RSPH14: variants seen among roughly 807,000 people sequenced by gnomAD.
RSPH14 encodes the protein radial spoke head 14 homolog, also known as rhabdoid tumor deletion region gene 1.
A neutral mutation model predicts 26.7 loss-of-function variants in RSPH14; 20 were observed. The ratio of observed to expected loss-of-function variants is 0.75; its 90% CI spans 0.53 to 1.09. The LOEUF (loss-of-function observed/expected upper bound fraction) is 1.09. Ranked by LOEUF, RSPH14 falls within the 50% of genes least tolerant of loss-of-function variation. The pLI is 0.00. For missense variants in RSPH14, 449 were observed against 457.2 expected (o/e 0.98, Z 0.16); for synonymous variants, 177 against 189.3 (o/e 0.93, Z 0.53).
the RSPH14 span, chr22:23,158,040 C>A: frequency 6.2e-7 from 1 of 1,614,138 alleles, no homozygotes; most frequent in Admixed American, 1.7e-5. Flanking sequence ...CTGGAGCATA[C>A]CAGGTAAGTC....
At chr22:23,145,353 G>T (rs1380131051), upstream of RSPH14, 1 of 1,601,316 alleles carries the variant, frequency 6.2e-7, no homozygotes, top group Non-Finnish European at 8.5e-7. Context: ...ACTCCAGGCA[G>T]GTTCTCGTTG....
At chr22:23,107,800 T>TTA (rs1308638624) in intron 4 of RSPH14, among the ~76,000 whole-genome samples, 1 of 152,142 alleles carries the variant, frequency 6.6e-6, no homozygotes, top group Non-Finnish European at 1.5e-5. Context: ...TTCCTGATCG[T>TTA]TTTAAAGCCG....
upstream of RSPH14, chr22:23,146,523 A>G: frequency 6.5e-7 from 1 of 1,545,156 alleles, no homozygotes; most frequent in South Asian, 1.2e-5. Flanking sequence ...GGATCTGATG[A>G]AAAGTTAGGT....
chr22:23,176,242 G>A, the RSPH14 span, among the ~76,000 whole-genome samples: 1 of 152,234 alleles, frequency 6.6e-6, no homozygotes, highest in Non-Finnish European at 1.5e-5. Flanking sequence ...GCCTCCCTCT[G>A]TTGGGGAAAA....
intron 4 of RSPH14, among the ~76,000 whole-genome samples, chr22:23,119,913 G>A (rs372768199): frequency 1.3e-5 from 2 of 152,320 alleles, no homozygotes; most frequent in East Asian, 3.9e-4. Flanking sequence ...ATTAGTCAGT[G>A]TGGTTCCCAT....
rs549212747 is a variant in RSPH14, at chr22:23,111,078, G to T, written c.421+22948C>A. On this transcript the variant is annotated intron_variant, in intron 4 of 6. Transcript: ENST00000216036. ...GCAGGCGATCATCATTTGCTGGGGG[G>T]CCTGCGCGCCTTCCCTGTGAGCGTG... Among the ~76,000 whole-genome samples the T allele has an allele frequency of 2.6e-5, 4 of 152,314 alleles. No individual in the cohort carries two copies. The South Asian group carries it at 8.3e-4, about 32-fold the overall frequency.
chr22:23,138,098 C>A (rs1314583288), intron 3 of RSPH14, among the ~76,000 whole-genome samples: 1 of 152,146 alleles, frequency 6.6e-6, no homozygotes, highest in African/African-American at 2.4e-5. Flanking sequence ...AGTGAGGCCA[C>A]CAGACCAGAT....
chr22:23,179,405 CTG>C, the RSPH14 span, among the ~76,000 whole-genome samples: 3 of 152,168 alleles, frequency 2.0e-5, no homozygotes, highest in African/African-American at 7.2e-5. Flanking sequence ...GTGCTCTCCA[CTG>C]TGTCTCAGAT....
chr22:23,173,703 T>C, the RSPH14 span, among the ~76,000 whole-genome samples: 1 of 151,054 alleles, frequency 6.6e-6, no homozygotes, highest in Non-Finnish European at 1.5e-5. Flanking sequence ...TTCTCCGTTA[T>C]TATTTACTAT....
At chr22:23,069,402 G>A (rs2068284677) in intron 4 of RSPH14, among the ~76,000 whole-genome samples, 1 of 152,192 alleles carries the variant, frequency 6.6e-6, no homozygotes, top group Non-Finnish European at 1.5e-5. Context: ...TCATGTCTTG[G>A]CCCTCTGGCT....
chr22:23,174,674 T>TAA, the RSPH14 span, among the ~76,000 whole-genome samples: 33,021 of 143,222 alleles, frequency 0.23, 4,187 homozygotes, highest in East Asian at 0.34. Context: ...AATAAAGTTG[T>TAA]AAAAAAAAAA....
chr22:23,170,016 G>A, the RSPH14 span, among the ~76,000 whole-genome samples: 1 of 151,672 alleles, frequency 6.6e-6, no homozygotes, highest in African/African-American at 2.4e-5. Context: ...AGGATCGCTT[G>A]GGCCCAGAAG....
At chr22:23,168,649 G>A in the RSPH14 span, among the ~76,000 whole-genome samples, 1 of 152,294 alleles carries the variant, frequency 6.6e-6, no homozygotes, top group Non-Finnish European at 1.5e-5. Flanking sequence ...GAGCAGCCAG[G>A]ACGTATGACT....
At chr22:23,131,173 T>G (rs2070354048) in intron 4 of RSPH14, 1 of 158,614 alleles carries the variant, frequency 6.3e-6, no homozygotes, top group East Asian at 1.8e-4. Context: ...TGGCGCAACA[T>G]GGATTCATCT....
upstream of RSPH14, chr22:23,146,681 C>G: frequency 6.2e-7 from 1 of 1,613,854 alleles, no homozygotes; most frequent in Non-Finnish European, 8.5e-7. Context: ...GCCAGCTTCC[C>G]TAAGGTAGAG....
chr22:23,158,814 T>C, the RSPH14 span: 2 of 1,235,646 alleles, frequency 1.6e-6, no homozygotes, highest in Non-Finnish European at 2.4e-6. Context: ...ACTTCAGCCC[T>C]GGGGAGGTCC....
chr22:23,086,008 C>A (rs2068809276), intron 4 of RSPH14, among the ~76,000 whole-genome samples: 1 of 152,278 alleles, frequency 6.6e-6, no homozygotes, highest in African/African-American at 2.4e-5. Context: ...GGCCCCTCGG[C>A]AGGGTCCCGC....
chr22:23,178,863 G>A, the RSPH14 span, among the ~76,000 whole-genome samples: 1 of 152,236 alleles, frequency 6.6e-6, no homozygotes, highest in African/African-American at 2.4e-5. Context: ...GCTCAGAGCA[G>A]GGAGTGAAAC....
At chr22:23,179,066 A>G in the RSPH14 span, among the ~76,000 whole-genome samples, 1 of 152,236 alleles carries the variant, frequency 6.6e-6, no homozygotes, top group South Asian at 2.1e-4. Flanking sequence ...TGCTGAGGTC[A>G]CACAGCCAGG....
Sources: allele counts gnomAD v4.1 joint callset (sites outside exome capture counted in the v4.1 genomes callset), GRCh38; gene constraint gnomAD v4.1.1; transcripts MANE v1.5; gene names NCBI Gene and HGNC (gene_info 2026-07-23, HGNC 2026-07-21).